THSD7B: variants seen among roughly 807,000 people sequenced by gnomAD.
The protein encoded by THSD7B is thrombospondin type 1 domain containing 7B.
Under a neutral mutation model 213.6 loss-of-function variants are expected in THSD7B, and 138 were observed. The observed-to-expected ratio is 0.65, with a 90% CI of 0.56 to 0.74. The LOEUF (loss-of-function observed/expected upper bound fraction) is 0.74, where lower values mean the gene tolerates loss of function less well. Ranked by LOEUF, THSD7B falls within the 30% of genes least tolerant of loss-of-function variation. THSD7B has a pLI of 0.00. For missense variants in THSD7B, 1,931 were observed against 1,991.5 expected, an observed-to-expected ratio of 0.97 and a Z score of 0.58; for synonymous variants, 742 against 687.0, an observed-to-expected ratio of 1.08 and a Z score of -1.25.
chr2:137,469,173 C>T (rs1688047252), intron 15 of THSD7B, among the ~76,000 whole-genome samples: 1 of 152,106 alleles, frequency 6.6e-6, no homozygotes, highest in African/African-American at 2.4e-5. Flanking sequence ...TTTAAGTCTC[C>T]CATGTCTAAG....
intron 2 of THSD7B, among the ~76,000 whole-genome samples, chr2:137,049,553 C>T (rs921622097): frequency 6.6e-6 from 1 of 152,180 alleles, no homozygotes; most frequent in African/African-American, 2.4e-5. Flanking sequence ...TAAACCATGC[C>T]TATTACTATT....
rs561157185 is a variant in THSD7B, at chr2:137,364,245, C to T, written c.2501-41368C>T. 1.0e-3 allele frequency among the ~76,000 whole-genome samples: 157 copies of T among 152,242 alleles called. 1 individual carries two copies. The highest frequency in any genetic ancestry group is 7.6e-4 in the Non-Finnish European group (52 of 68,014). ...AACTAGGTATTGATGGGACATATCT[C>T]AAAATAATAAGAGCTATTTATGACA... On this transcript the variant is annotated intron_variant, in intron 12 of 27. Transcript: ENST00000409968.
intron 7 of THSD7B, among the ~76,000 whole-genome samples, chr2:137,174,915 C>T (rs888729967): frequency 3.3e-5 from 5 of 152,128 alleles, no homozygotes; most frequent in African/African-American, 1.2e-4. Context: ...TTCAAAAATG[C>T]AAGCCCAACA....
intron 12 of THSD7B, among the ~76,000 whole-genome samples, chr2:137,292,576 T>C (rs1214498240): frequency 6.6e-6 from 1 of 152,182 alleles, no homozygotes; most frequent in East Asian, 1.9e-4. Context: ...TTGGTATTAT[T>C]ATAACAATCC....
At chr2:137,236,009 A>C (rs1681755321) in intron 9 of THSD7B, among the ~76,000 whole-genome samples, 1 of 152,242 alleles carries the variant, frequency 6.6e-6, no homozygotes, top group African/African-American at 2.4e-5. Context: ...AATTGAGCTA[A>C]GAAAATAATA....
chr2:137,483,168 G>A (rs1259641378), intron 15 of THSD7B, among the ~76,000 whole-genome samples: 1 of 152,184 alleles, frequency 6.6e-6, no homozygotes, highest in East Asian at 1.9e-4. Context: ...TCCCACTTGA[G>A]GGAATTATAG....
chr2:137,076,318 G>A (rs184937556), intron 3 of THSD7B, among the ~76,000 whole-genome samples: 24 of 152,302 alleles, frequency 1.6e-4, no homozygotes, highest in South Asian at 8.3e-4. Context: ...CCTCGCTGCC[G>A]CCTTGCAGTT....
chr2:137,145,932 G>A (rs1215482537), intron 5 of THSD7B, among the ~76,000 whole-genome samples: 1 of 151,884 alleles, frequency 6.6e-6, no homozygotes, highest in Non-Finnish European at 1.5e-5. Context: ...TATATTTGGT[G>A]CTTTCTCTCT....
intron 2 of THSD7B, among the ~76,000 whole-genome samples, chr2:137,012,282 T>C (rs1306566460): frequency 6.6e-6 from 1 of 152,202 alleles, no homozygotes; most frequent in Non-Finnish European, 1.5e-5. Flanking sequence ...GATCCAGAGT[T>C]TGGGGAGTCT....
chr2:137,115,283 G>A lies in THSD7B; in HGVS notation c.1359G>A (p.Arg453=), dbSNP rs1369700199. 3 of 1,561,426 alleles carry A rather than the reference G, an allele frequency of 1.9e-6. No individual in the cohort carries two copies. The highest frequency in any genetic ancestry group is 2.8e-5 in the African/African-American group (2 of 72,574). Residue 453 remains arginine (R), a synonymous_variant, in exon 5 of 28, where the codon AGG becomes AGA. Transcript: ENST00000409968. ...AQSVPAAAAL[R]AKEVSRPVEK... is the part of the protein sequence containing the mutation. ...GCGTACCAGCAGCTGCCGCACTGAG[G>A]GCCAAGGAAGGTAGGCAGCCAGTTC...
intron 4 of THSD7B, among the ~76,000 whole-genome samples, chr2:137,113,674 T>C (rs1237249519): frequency 6.6e-6 from 1 of 152,080 alleles, no homozygotes; most frequent in Non-Finnish European, 1.5e-5. Flanking sequence ...TGACCTCAGG[T>C]GATCCGCCCA....
chr2:136,970,148 T>C (rs1685381338), intron 2 of THSD7B, among the ~76,000 whole-genome samples: 1 of 152,036 alleles, frequency 6.6e-6, no homozygotes, highest in Non-Finnish European at 1.5e-5. Flanking sequence ...ATAAAAAATA[T>C]TGAATACAAT....
chr2:136,916,859 G>A (rs1030916945), intron 2 of THSD7B, among the ~76,000 whole-genome samples: 3 of 152,114 alleles, frequency 2.0e-5, no homozygotes, highest in Non-Finnish European at 2.9e-5. Context: ...CCTGATACTG[G>A]TTGCCATGAA....
rs1328341897 is a variant in THSD7B at position 137,095,056 on chromosome 2, G to T, written c.1134G>T (p.Glu378Asp). ...ACATGGCTATTGGAGGTGGAAAGGA[G>T]TGTCCTGAACTTCTTGAGAAAGAGG... ...VKHMAIGGGKECPELLEKEAC... is the reference protein window; with the variant it reads ...VKHMAIGGGKDCPELLEKEAC... Residue 378 changes from glutamate to aspartate, a missense_variant, in exon 4 of 28, where the codon GAG becomes GAT. Physicochemically the swap from Glu to Asp is conservative, Grantham distance 45. Transcript: ENST00000409968. The T allele has an allele frequency of 6.2e-7, 1 of 1,613,754 alleles. No individual in the cohort carries two copies. The highest frequency in any genetic ancestry group is 8.5e-7 in the Non-Finnish European group (1 of 1,179,850).
intron 4 of THSD7B, among the ~76,000 whole-genome samples, chr2:137,108,453 C>T (rs926322286): frequency 6.6e-6 from 1 of 152,100 alleles, no homozygotes; most frequent in African/African-American, 2.4e-5. Context: ...TCTTTTGTCC[C>T]CCTTTCCTCC....
At chr2:137,003,430 G>T (rs960266938) in intron 2 of THSD7B, among the ~76,000 whole-genome samples, 1 of 152,160 alleles carries the variant, frequency 6.6e-6, no homozygotes, top group Non-Finnish European at 1.5e-5. Context: ...GATAAGAGGG[G>T]TGTAACAATA....
intron 17 of THSD7B, among the ~76,000 whole-genome samples, chr2:137,584,175 T>G (rs560199627): frequency 6.7e-6 from 1 of 149,248 alleles, no homozygotes; most frequent in African/African-American, 2.4e-5. Flanking sequence ...TTGTGATTTT[T>G]GCACATTGAT....
intron 2 of THSD7B, among the ~76,000 whole-genome samples, chr2:137,000,582 G>A (rs898966093): frequency 6.6e-6 from 1 of 151,908 alleles, no homozygotes; most frequent in East Asian, 1.9e-4. Flanking sequence ...CATTGTTATA[G>A]GTTATAATTG....
Position 137,476,944 on chromosome 2 carries a change from T to C in THSD7B, c.3138+25921T>C, listed in dbSNP as rs185693980. 9.3e-4 allele frequency among the ~76,000 whole-genome samples: 142 copies of C among 152,352 alleles called. 1 individual carries two copies. Among genetic ancestry groups the C allele is most frequent in the African/African-American group, 3.2e-3 (131 of 41,582 alleles). On this transcript the variant is annotated intron_variant, in intron 15 of 27. Coordinates refer to ENST00000409968, the MANE Select transcript of THSD7B (RefSeq NM_001316349.2). ...GTTTAGTGTTCTAACATATGGTCTATCCTGGAGAACATTCCATGTGCTGAT... is the reference window on the plus strand; with the variant it reads ...GTTTAGTGTTCTAACATATGGTCTACCCTGGAGAACATTCCATGTGCTGAT...
Sources: allele counts gnomAD v4.1 joint callset (sites outside exome capture counted in the v4.1 genomes callset), GRCh38; gene constraint gnomAD v4.1.1; transcripts MANE v1.5; gene names NCBI Gene and HGNC (gene_info 2026-07-23, HGNC 2026-07-21).